The following ADCY9 variants were observed in gnomAD, a reference collection of about 807,000 sequenced individuals.
The protein encoded by ADCY9 is adenylate cyclase type 9.
A neutral mutation model predicts 101.5 loss-of-function variants in ADCY9; 50 were observed. That is an observed-to-expected ratio of 0.49 (90% CI 0.39 to 0.62). The LOEUF (loss-of-function observed/expected upper bound fraction) is 0.62, where lower values mean the gene tolerates loss of function less well. ADCY9 is among the 20% of genes least tolerant of loss of function. The probability of loss-of-function intolerance (pLI) is 0.00; values close to 1 mark genes in which losing one functional copy is unlikely to be tolerated. For synonymous variants in ADCY9, 905 were observed against 769.3 expected (o/e 1.18, Z -2.92); for missense variants, 1,662 against 1,800.4 (o/e 0.92, Z 1.39).
chr16:4,113,660 C>G (rs979768838), intron 2 of ADCY9, 90 bp downstream of exon 2: 1 of 1,496,808 alleles, frequency 6.7e-7, no homozygotes, highest in Non-Finnish European at 9.0e-7. Flanking sequence ...CCTGAGCTGT[C>G]TGCAGACACT....
intron 2 of ADCY9, among the ~76,000 whole-genome samples, chr16:4,069,272 G>GTTGTTA (rs374066610): frequency 1.4e-5 from 2 of 147,354 alleles, no homozygotes; most frequent in Non-Finnish European, 3.0e-5. Context: ...GTTGTTGTAA[G>GTTGTTA]TTATTATTAT....
At chr16:4,102,717 G>A (rs11867090) in intron 2 of ADCY9, among the ~76,000 whole-genome samples, 22,060 of 149,304 alleles carry the variant, frequency 0.15, 1,890 homozygotes, top group African/African-American at 0.24. Flanking sequence ...GACTCACTGC[G>A]CCCAGCCATG....
At chr16:4,054,650 A>G (rs1368380987) in intron 2 of ADCY9, among the ~76,000 whole-genome samples, 1 of 151,440 alleles carries the variant, frequency 6.6e-6, no homozygotes, top group Admixed American at 6.6e-5. Context: ...GGCTCACTGC[A>G]AGCTACGCCT....
intron 2 of ADCY9, among the ~76,000 whole-genome samples, chr16:4,041,071 G>A (rs1265531019): frequency 1.3e-5 from 2 of 152,140 alleles, no homozygotes; most frequent in African/African-American, 2.4e-5. Flanking sequence ...AGCCCAGGGA[G>A]GAAAATCATA....
At chr16:4,043,505 C>G (rs965628560) in intron 2 of ADCY9, among the ~76,000 whole-genome samples, 1 of 151,644 alleles carries the variant, frequency 6.6e-6, no homozygotes, top group African/African-American at 2.4e-5. Flanking sequence ...GAAACCCCAT[C>G]TCTACTAAAA....
intron 2 of ADCY9, among the ~76,000 whole-genome samples, chr16:4,061,230 T>C (rs2056771803): frequency 6.6e-6 from 1 of 151,922 alleles, no homozygotes; most frequent in Non-Finnish European, 1.5e-5. Context: ...CCATCAAGCA[T>C]GCCAACATAT....
chr16:4,037,564 T>C (rs1343375922), intron 2 of ADCY9, among the ~76,000 whole-genome samples: 1 of 152,188 alleles, frequency 6.6e-6, no homozygotes, highest in African/African-American at 2.4e-5. Flanking sequence ...TCTTTTCCTC[T>C]GGGTAGATAT....
chr16:4,105,371 C>G (rs1399162714), intron 2 of ADCY9, among the ~76,000 whole-genome samples: 1 of 151,920 alleles, frequency 6.6e-6, no homozygotes, highest in Non-Finnish European at 1.5e-5. Context: ...GTCATCTCTA[C>G]AAATAATTTT....
intron 2 of ADCY9, among the ~76,000 whole-genome samples, chr16:4,085,407 G>A (rs1361963324): frequency 1.3e-5 from 2 of 152,066 alleles, no homozygotes; most frequent in Admixed American, 6.6e-5. Context: ...AAAGAGAGCC[G>A]CACCAAGTGT....
intron 10 of ADCY9, among the ~76,000 whole-genome samples, chr16:3,973,379 G>T (rs1453132155): frequency 1.3e-5 from 2 of 152,104 alleles, no homozygotes; most frequent in African/African-American, 4.8e-5. Flanking sequence ...GCTAATTTTT[G>T]TATTTTTAGT....
At chr16:3,999,809 T>C (rs2056317348) in intron 3 of ADCY9, among the ~76,000 whole-genome samples, 1 of 152,184 alleles carries the variant, frequency 6.6e-6, no homozygotes, top group Non-Finnish European at 1.5e-5. Flanking sequence ...CTTGGGCACA[T>C]TTGCATTTGT....
At chr16:3,984,301 A>G (rs961589835) in intron 6 of ADCY9, among the ~76,000 whole-genome samples, 1 of 152,198 alleles carries the variant, frequency 6.6e-6, no homozygotes, top group Non-Finnish European at 1.5e-5. Flanking sequence ...TCGTGGCGGA[A>G]GTGGCCGACG....
chr16:3,965,931 C>G lies in ADCY9; in HGVS notation c.3906G>C (p.Lys1302Asn). 6.2e-7 allele frequency: 1 copy of G among 1,614,198 alleles called. No homozygotes were observed. Among genetic ancestry groups the G allele is most frequent in the Non-Finnish European group, 8.5e-7 (1 of 1,180,040 alleles). Reference sequence around the variant, plus strand: ...GTCTCTTGGGGGACAGGTGGGCATCCTTGGCCTGCGTGCTGCTGTCAGAAC... The same window carrying G: ...GTCTCTTGGGGGACAGGTGGGCATCGTTGGCCTGCGTGCTGCTGTCAGAAC... ...SLGSDSSTQA[K>N]DAHLSPKRPW... Residue 1302 changes from lysine to asparagine, a missense_variant, in exon 11 of 11, where the codon AAG becomes AAC. Lys to Asn is a moderately conservative substitution (Grantham distance 94). Transcript: ENST00000294016.
At position 3,983,399 on chromosome 16, in the gene ADCY9, G is replaced by C. The variant is rs751991913; in HGVS notation, c.2352C>G (p.Thr784=). ...NSPVKTFASP[T]FSSLLDVFLS... ...GAAACACATCCAGGAGGGAGCTGAA[G>C]GTGGGACTAGCAAACGTCTTCACGG... The change falls in exon 7 of 11, where the codon ACC becomes ACG. Residue 784 remains threonine (T), a synonymous_variant. Coordinates refer to ENST00000294016, the MANE Select transcript of ADCY9 (RefSeq NM_001116.4). The C allele has an allele frequency of 1.2e-5, 19 of 1,608,270 alleles. No individual in the cohort carries two copies. Among genetic ancestry groups the C allele is most frequent in the Middle Eastern group, 1.7e-4 (1 of 6,056 alleles).
chr16:4,027,977 T>C (rs926606448), intron 2 of ADCY9, among the ~76,000 whole-genome samples: 2 of 151,718 alleles, frequency 1.3e-5, no homozygotes, highest in Admixed American at 6.6e-5. Flanking sequence ...TTCAATTACC[T>C]CCCACTGGGT....
In ADCY9 at chr16:3,963,324, G is replaced by GT; in HGVS notation, c.*2450dup. 2.5e-6 allele frequency: 1 copy of GT among 398,750 alleles called. No homozygotes were observed. The highest frequency in any genetic ancestry group is 4.4e-6 in the Non-Finnish European group (1 of 226,016). The allele number at this position is 398,750 out of a possible 1,614,324, so 24.7% of individuals were successfully genotyped here. A position where few individuals can be genotyped will look rare whatever the true frequency, so the allele number is the denominator to read the frequency against. On this transcript the variant is annotated 3_prime_UTR_variant, in exon 11 of 11. Transcript: ENST00000294016. ...CCTCGTGCCAGCTGCTTAGAAACTC[G>GT]TGTCTCCAGCACGATGTGCTCGCTG...
chr16:4,007,652 G>T, intron 2 of ADCY9, 94 bp from the exon 3 acceptor site: 1 of 1,065,614 alleles, frequency 9.4e-7, no homozygotes, highest in Non-Finnish European at 1.3e-6. Flanking sequence ...CTCACTCCTG[G>T]AAAGTTGAGA....
At chr16:4,097,550 TATA>T (rs1382696400) in intron 2 of ADCY9, among the ~76,000 whole-genome samples, 38 of 48,008 alleles carry the variant, frequency 7.9e-4, no homozygotes, top group African/African-American at 1.6e-3. Context: ...TATATATATA[TATA>T]TTTTTTTTTT....
chr16:4,070,740 G>A (rs531628065), intron 2 of ADCY9, among the ~76,000 whole-genome samples: 6 of 152,112 alleles, frequency 3.9e-5, no homozygotes, highest in Admixed American at 2.0e-4. Flanking sequence ...GACCCCAGGA[G>A]TTCCAGACCA....
Sources: gnomAD v4.1 joint callset for allele counts (sites outside exome capture counted in the v4.1 genomes callset) on GRCh38, gnomAD v4.1.1 for gene constraint, MANE v1.5 for transcripts, NCBI Gene and HGNC (gene_info 2026-07-23, HGNC 2026-07-21) for gene names.